TMPRSS15: variants seen among roughly 807,000 people sequenced by gnomAD.
The protein encoded by TMPRSS15 is enteropeptidase.
In TMPRSS15, 128 loss-of-function variants were observed where a neutral mutation model predicts 125.3. That is an observed-to-expected ratio of 1.02 (90% confidence interval 0.89 to 1.18). The LOEUF is 1.18. TMPRSS15 is among the 50% of genes most tolerant of loss of function. The pLI is 0.00. For synonymous variants in TMPRSS15, 446 were observed against 423.2 expected, an observed-to-expected ratio of 1.05 and a Z score of -0.66; for missense variants, 1,283 against 1,212.7, an observed-to-expected ratio of 1.06 and a Z score of -0.86.
chr21:18,297,504 A>G (rs922614614), intron 19 of TMPRSS15, among the ~76,000 whole-genome samples: 3 of 152,228 alleles, frequency 2.0e-5, no homozygotes, highest in Admixed American at 6.5e-5. Context: ...GTGTGCCAGA[A>G]ATTTACATAC....
At chr21:18,418,932 A>T (rs1192932579) in intron 1 of TMPRSS15, among the ~76,000 whole-genome samples, 1 of 152,222 alleles carries the variant, frequency 6.6e-6, no homozygotes, top group Non-Finnish European at 1.5e-5. Context: ...ACTGCTCTGA[A>T]AGCCGACCAT....
chr21:18,358,623 A>G (rs570393499), intron 8 of TMPRSS15, among the ~76,000 whole-genome samples: 1 of 152,036 alleles, frequency 6.6e-6, no homozygotes, highest in Non-Finnish European at 1.5e-5. Flanking sequence ...CACAAAGAAT[A>G]ATGGTATTAT....
chr21:18,424,080 AC>A (rs958308228), intron 1 of TMPRSS15, among the ~76,000 whole-genome samples: 1 of 152,228 alleles, frequency 6.6e-6, no homozygotes, highest in Non-Finnish European at 1.5e-5. Context: ...ATGCTTTCAC[AC>A]GGTCTCAAAA....
intron 1 of TMPRSS15, among the ~76,000 whole-genome samples, chr21:18,461,848 T>C (rs1312873330): frequency 2.0e-5 from 3 of 152,164 alleles, no homozygotes; most frequent in African/African-American, 7.2e-5. Flanking sequence ...TTCAACTTCA[T>C]GTTTTATAAA....
intron 18 of TMPRSS15, among the ~76,000 whole-genome samples, chr21:18,310,933 CTTTTTT>C (rs71329779): frequency 1.5e-5 from 2 of 136,868 alleles, no homozygotes; most frequent in Non-Finnish European, 1.6e-5. Flanking sequence ...CCCACTGATT[CTTTTTT>C]TTTTTTTTTT....
intron 16 of TMPRSS15, among the ~76,000 whole-genome samples, chr21:18,318,041 C>G (rs745679214): frequency 6.6e-6 from 1 of 152,030 alleles, no homozygotes; most frequent in African/African-American, 2.4e-5. Context: ...ATTAATGAGA[C>G]AGTGACATTA....
chr21:18,416,243 C>T (rs993017712), intron 1 of TMPRSS15, among the ~76,000 whole-genome samples: 1 of 151,900 alleles, frequency 6.6e-6, no homozygotes, highest in Non-Finnish European at 1.5e-5. Context: ...AGGTGAAATG[C>T]TATATTCATC....
At position 18,359,883 on chromosome 21, in the gene TMPRSS15, T is replaced by A; in HGVS notation, c.774-20A>T. Reference sequence around the variant, plus strand: ...TTTACACTAAATTAAAAGCAAAAAATAGATTACCAAATTTTTAACAGTTGT... The same window carrying A: ...TTTACACTAAATTAAAAGCAAAAAAAAGATTACCAAATTTTTAACAGTTGT... On this transcript the variant is annotated intron_variant, in intron 7 of 24. Transcript: ENST00000284885. 1 of 1,185,650 alleles carries A rather than the reference T, an allele frequency of 8.4e-7. No individual in the cohort carries two copies. Among genetic ancestry groups the A allele is most frequent in the Non-Finnish European group, 1.3e-6 (1 of 794,572 alleles). 73.4% of individuals were successfully genotyped at this position (1,185,650 alleles called of 1,614,324 possible).
intron 1 of TMPRSS15, among the ~76,000 whole-genome samples, chr21:18,479,377 T>C (rs539970139): frequency 4.6e-5 from 7 of 152,100 alleles, no homozygotes; most frequent in Admixed American, 3.3e-4. Context: ...AAGCCAAACT[T>C]TTCTCTGTGA....
chr21:18,380,138 AC>A (rs1291298641), intron 4 of TMPRSS15, among the ~76,000 whole-genome samples: 5 of 150,146 alleles, frequency 3.3e-5, no homozygotes, highest in Non-Finnish European at 7.4e-5. Context: ...TCACCAAGGC[AC>A]CATGATTTGG....
chr21:18,432,578 A>T (rs1318561297), intron 1 of TMPRSS15, among the ~76,000 whole-genome samples: 1 of 152,158 alleles, frequency 6.6e-6, no homozygotes. Context: ...GAAATACAGG[A>T]AGAATGAACC....
At chr21:18,369,757 GTGGAAATAATGCTGC>G (rs1209239716) in intron 6 of TMPRSS15, among the ~76,000 whole-genome samples, 5 of 152,060 alleles carry the variant, frequency 3.3e-5, no homozygotes. Context: ...TGGCTTTCAG[GTGGAAATAATGCTGC>G]TGGAAGTTTG....
chr21:18,469,148 T>C (rs1978728906), intron 1 of TMPRSS15, among the ~76,000 whole-genome samples: 2 of 152,134 alleles, frequency 1.3e-5, no homozygotes, highest in Admixed American at 1.3e-4. Context: ...TTTCCTTTAT[T>C]TTTCAATTAC....
intron 1 of TMPRSS15, among the ~76,000 whole-genome samples, chr21:18,413,340 CTTCCTTCCTTCCTTCCTTCCT>C (rs2123175197): frequency 7.6e-6 from 1 of 132,226 alleles, no homozygotes; most frequent in Admixed American, 8.1e-5. Flanking sequence ...TCCTTCCTTC[CTTCCTTCCTTCCTTCCTTCCT>C]TTCCTTCCTT....
chr21:18,365,622 TTCTTTC>T (rs1456134002), intron 6 of TMPRSS15, among the ~76,000 whole-genome samples: 7 of 6,978 alleles, frequency 1.0e-3, no homozygotes, highest in Non-Finnish European at 3.4e-3. Flanking sequence ...TTTTCTCTCT[TTCTTTC>T]TCTTTCTCTC....
At chr21:18,370,393 C>G (rs1265559296) in intron 6 of TMPRSS15, among the ~76,000 whole-genome samples, 1 of 152,062 alleles carries the variant, frequency 6.6e-6, no homozygotes, top group African/African-American at 2.4e-5. Context: ...GCCTTTTCCT[C>G]TATTTAAGGA....
At chr21:18,323,607 T>C (rs1467395984) in intron 16 of TMPRSS15, among the ~76,000 whole-genome samples, 1 of 152,206 alleles carries the variant, frequency 6.6e-6, no homozygotes, top group East Asian at 1.9e-4. Context: ...TTTGGATACC[T>C]CAATAAATCT....
At chr21:18,484,509 T>C (rs914519192) in intron 1 of TMPRSS15, among the ~76,000 whole-genome samples, 4 of 151,792 alleles carry the variant, frequency 2.6e-5, no homozygotes, top group African/African-American at 9.7e-5. Context: ...CCTTGATCTT[T>C]TCCTTCTCTC....
At position 18,359,822 on chromosome 21, in the gene TMPRSS15, A is replaced by C; in HGVS notation, c.815T>G (p.Phe272Cys). 3 of 1,538,162 alleles carry C rather than the reference A, an allele frequency of 2.0e-6. 1 individual carries two copies. The highest frequency in any genetic ancestry group is 2.7e-6 in the Non-Finnish European group (3 of 1,113,136). ...TAATATATCTGTATAATATGTATTA[A>C]AATCATCGAAGCTCAGTTTAATGGA... is the stretch of plus-strand genomic sequence containing the variant. ...GLSIKLSFDD[F>C]NTYYTDILDI... Residue 272 changes from phenylalanine (F) to cysteine (C), a missense_variant, in exon 8 of 25, where the codon TTT (phenylalanine) becomes TGT (cysteine). Transcript: ENST00000284885.
Sources: gnomAD v4.1 joint callset for allele counts (sites outside exome capture counted in the v4.1 genomes callset) on GRCh38, gnomAD v4.1.1 for gene constraint, MANE v1.5 for transcripts, NCBI Gene and HGNC (gene_info 2026-07-23, HGNC 2026-07-21) for gene names.